HIP1: variants seen among roughly 807,000 people sequenced by gnomAD.
HIP1 encodes the protein huntingtin interacting protein 1.
Under a neutral mutation model 147.6 loss-of-function variants are expected in HIP1, and 65 were observed. That is an observed-to-expected ratio of 0.44 (90% CI 0.36 to 0.54). HIP1 has a LOEUF of 0.54. Among genes scored for constraint, HIP1 ranks in the 20% least tolerant of loss-of-function variants. The probability of loss-of-function intolerance (pLI) is 0.00; values close to 1 mark genes in which losing one functional copy is unlikely to be tolerated. For synonymous variants in HIP1, 479 were observed against 504.0 expected (o/e 0.95, Z 0.67); for missense variants, 1,061 against 1,299.6 (o/e 0.82, Z 2.82).
chr7:75,553,303 G>C, intron 22 of HIP1, 150 bp downstream of exon 22: 1 of 1,000,746 alleles, frequency 1.0e-6, no homozygotes, highest in South Asian at 1.5e-5. Context: ...ACTGCACCCG[G>C]CCAGATTTTC....
rs1796071788 is a variant in HIP1, at chr7:75,581,997, C to A, written c.542+78G>T. 3 of 1,208,832 alleles carry A rather than the reference C, an allele frequency of 2.5e-6. No homozygotes were observed. In the Admixed American group the frequency reaches 6.2e-5, roughly 25 times the overall value. The allele number at this position is 1,208,832 out of a possible 1,614,324, so 74.9% of individuals were successfully genotyped here. ...CAGCCACGGCCTCCCCCCATCAGGC[C>A]CTCCATGACCCTTATGAGAAGTGTC... On this transcript the variant is annotated intron_variant, in intron 6 of 30. Coordinates refer to ENST00000336926, the MANE Select transcript of HIP1 (RefSeq NM_005338.7).
At chr7:75,616,085 C>CAAAAAAAAAA (rs71098042) in intron 1 of HIP1, among the ~76,000 whole-genome samples, 598 of 35,122 alleles carry the variant, frequency 0.017, 65 homozygotes, top group Admixed American at 0.029. Context: ...GACTCTGTCT[C>CAAAAAAAAAA]AAAAAAAAAA....
chr7:75,718,018 C>T, intron 1 of HIP1, among the ~76,000 whole-genome samples: 1 of 151,294 alleles, frequency 6.6e-6, no homozygotes, highest in Non-Finnish European at 1.5e-5. Flanking sequence ...CATGATGGCT[C>T]ACACCTGTAA....
intron 1 of HIP1, among the ~76,000 whole-genome samples, chr7:75,722,231 G>C (rs1305073763): frequency 6.6e-6 from 1 of 152,090 alleles, no homozygotes; most frequent in African/African-American, 2.4e-5. Flanking sequence ...GATTGCTGGA[G>C]CCCAGGAGTT....
chr7:75,707,699 A>G (rs1392171501), intron 1 of HIP1, among the ~76,000 whole-genome samples: 1 of 148,382 alleles, frequency 6.7e-6, no homozygotes, highest in African/African-American at 2.5e-5. Context: ...ACTTCAAACT[A>G]TACTACAAGG....
Position 75,536,842 on chromosome 7 carries a change from ATTGCTCCAAGCATCTC to A in HIP1, c.*1314_*1329del, listed in dbSNP as rs1422640907. ...TGCTAGAGTCACACCTGAAGTTCTG[ATTGCTCCAAGCATCTC>A]TTTGTAGGCTGTTGCTGCTTAAGGG... On this transcript the variant is annotated 3_prime_UTR_variant, in exon 31 of 31. Coordinates refer to ENST00000336926, the MANE Select transcript of HIP1 (RefSeq NM_005338.7). The A allele has an allele frequency of 4.3e-6, 1 of 230,684 alleles. No individual in the cohort carries two copies. The highest frequency in any genetic ancestry group is 8.6e-6 in the Non-Finnish European group (1 of 116,556). 14.3% of individuals were successfully genotyped at this position (230,684 alleles called of 1,614,324 possible). A position where few individuals can be genotyped will look rare whatever the true frequency, so the allele number is the denominator to read the frequency against.
intron 8 of HIP1, among the ~76,000 whole-genome samples, chr7:75,572,469 T>C (rs1198068928): frequency 6.6e-6 from 1 of 152,186 alleles, no homozygotes; most frequent in Non-Finnish European, 1.5e-5. Context: ...TCTGCTGATA[T>C]TTGTGCTGTT....
intron 25 of HIP1, 130 bp from the exon 26 acceptor site, chr7:75,545,318 T>G: frequency 1.5e-6 from 1 of 663,244 alleles, no homozygotes; most frequent in South Asian, 1.7e-5. Context: ...TATTCCCATT[T>G]TACAAAAAAG....
chr7:75,660,727 C>G (rs1799284595), intron 1 of HIP1, among the ~76,000 whole-genome samples: 1 of 152,102 alleles, frequency 6.6e-6, no homozygotes, highest in Admixed American at 6.6e-5. Flanking sequence ...CCAGCTCTTT[C>G]CATCGTGCCC....
intron 1 of HIP1, among the ~76,000 whole-genome samples, chr7:75,632,369 T>C (rs1044707192): frequency 2.0e-5 from 3 of 152,150 alleles, no homozygotes; most frequent in Non-Finnish European, 2.9e-5. Flanking sequence ...CGATGAAAGA[T>C]AGTAATCCAC....
At chr7:75,621,312 AGAGCCG>A (rs138089196) in intron 1 of HIP1, among the ~76,000 whole-genome samples, 31,404 of 152,030 alleles carry the variant, frequency 0.21, 3,771 homozygotes, top group Non-Finnish European at 0.28. Context: ...AAGTATGGCT[AGAGCCG>A]GAAGTCAGGG....
intron 18 of HIP1, among the ~76,000 whole-genome samples, chr7:75,555,772 G>A (rs1175687485): frequency 6.6e-6 from 1 of 152,120 alleles, no homozygotes; most frequent in African/African-American, 2.4e-5. Flanking sequence ...GGATCACTGC[G>A]CCCGCTTCTC....
intron 1 of HIP1, among the ~76,000 whole-genome samples, chr7:75,674,007 T>G (rs782366167): frequency 6.6e-6 from 1 of 151,920 alleles, no homozygotes; most frequent in Non-Finnish European, 1.5e-5. Context: ...AAAAAAATAA[T>G]AAAATATTAA....
chr7:75,717,214 T>C (rs1801349975), intron 1 of HIP1, among the ~76,000 whole-genome samples: 1 of 152,102 alleles, frequency 6.6e-6, no homozygotes, highest in Non-Finnish European at 1.5e-5. Flanking sequence ...TGGTATTAAG[T>C]GGCAATTACA....
At chr7:75,558,091 G>A (rs1554493793) in intron 15 of HIP1, 76 bp downstream of exon 15, 3 of 1,215,670 alleles carry the variant, frequency 2.5e-6, no homozygotes, top group East Asian at 2.3e-5. Context: ...TGGCCCCGGG[G>A]AAGCCACAGG....
chr7:75,536,853 C>T lies in HIP1; in HGVS notation c.*1319G>A, dbSNP rs587734292. 1.1e-4 allele frequency: 25 copies of T among 230,714 alleles called. No individual in the cohort carries two copies. The highest frequency in any genetic ancestry group is 5.5e-4 in the African/African-American group (25 of 45,298). 14.3% of individuals were successfully genotyped at this position (230,714 alleles called of 1,614,324 possible). ...CACCTGAAGTTCTGATTGCTCCAAG[C>T]ATCTCTTTGTAGGCTGTTGCTGCTT... On this transcript the variant is annotated 3_prime_UTR_variant, in exon 31 of 31. Coordinates refer to ENST00000336926, the MANE Select transcript of HIP1 (RefSeq NM_005338.7).
chr7:75,652,521 T>A (rs540224087), intron 1 of HIP1, among the ~76,000 whole-genome samples: 26 of 151,994 alleles, frequency 1.7e-4, no homozygotes, highest in African/African-American at 6.3e-4. Flanking sequence ...GTGCCACTGC[T>A]CCTAGCTAAT....
At chr7:75,585,563 A>G (rs1221313380) in intron 5 of HIP1, among the ~76,000 whole-genome samples, 4 of 151,294 alleles carry the variant, frequency 2.6e-5, no homozygotes, top group Non-Finnish European at 5.9e-5. Context: ...ATCACACGCT[A>G]CAAGCCCCCT....
intron 1 of HIP1, among the ~76,000 whole-genome samples, chr7:75,629,595 T>TG (rs1798146765): frequency 6.6e-6 from 1 of 151,882 alleles, no homozygotes; most frequent in African/African-American, 2.4e-5. Context: ...CAGGCTGCAG[T>TG]GCAGTGCTGC....
Sources: allele counts gnomAD v4.1 joint callset (sites outside exome capture counted in the v4.1 genomes callset), GRCh38; gene constraint gnomAD v4.1.1; transcripts MANE v1.5; gene names NCBI Gene and HGNC (gene_info 2026-07-23, HGNC 2026-07-21).